ERCC8: variants seen among roughly 807,000 people sequenced by gnomAD.
ERCC8 encodes the protein ERCC excision repair 8, CSA ubiquitin ligase complex subunit, also known as DNA excision repair protein ERCC-8.
ERCC8 carries 52 observed loss-of-function variants against 54.9 expected under a neutral mutation model. The observed-to-expected ratio is 0.95, with a 90% CI of 0.76 to 1.19. ERCC8 has a LOEUF of 1.19. Ranked by LOEUF, ERCC8 falls within the 50% of genes most tolerant of loss-of-function variation. The pLI is 0.00. For synonymous variants in ERCC8, 146 were observed against 157.2 expected (o/e 0.93, Z 0.53); for missense variants, 514 against 466.1 (o/e 1.10, Z -0.95).
intron 10 of ERCC8, among the ~76,000 whole-genome samples, chr5:60,889,881 T>C (rs541623529): frequency 6.6e-6 from 1 of 152,274 alleles, no homozygotes; most frequent in African/African-American, 2.4e-5. Context: ...GGATATACCT[T>C]CTTATTGACT....
intron 4 of ERCC8, among the ~76,000 whole-genome samples, chr5:60,909,278 A>AAAAAAAAAG (rs1749180489): frequency 2.8e-4 from 34 of 120,690 alleles, no homozygotes; most frequent in Non-Finnish European, 5.2e-4. Flanking sequence ...AAAAAAAAAA[A>AAAAAAAAAG]GCCACAAAGG....
intron 7 of ERCC8, among the ~76,000 whole-genome samples, chr5:60,900,168 T>C (rs769853030): frequency 6.6e-6 from 1 of 151,992 alleles, no homozygotes. Flanking sequence ...TTTTTCCTTT[T>C]TATATAAAAA....
At chr5:60,943,670 G>A (rs1484219017) in intron 1 of ERCC8, among the ~76,000 whole-genome samples, 1 of 152,152 alleles carries the variant, frequency 6.6e-6, no homozygotes, top group Non-Finnish European at 1.5e-5. Context: ...TACTAGAAGT[G>A]AAACTTGCAT....
At chr5:60,882,884 T>C (rs1261637701) in intron 11 of ERCC8, among the ~76,000 whole-genome samples, 4 of 152,038 alleles carry the variant, frequency 2.6e-5, no homozygotes, top group Admixed American at 2.6e-4. Context: ...CATCTTGTCA[T>C]TGGGGGTTAG....
chr5:60,878,765 CTTT>C (rs1466301182), intron 11 of ERCC8, among the ~76,000 whole-genome samples: 20 of 152,114 alleles, frequency 1.3e-4, no homozygotes, highest in African/African-American at 4.1e-4. Flanking sequence ...CTCTTTTCTT[CTTT>C]ATTACTCTTG....
intron 4 of ERCC8, 105 bp from the exon 5 acceptor site, chr5:60,904,978 C>G: frequency 3.5e-6 from 2 of 571,912 alleles, no homozygotes; most frequent in South Asian, 4.4e-5. Context: ...TTTAAATTGA[C>G]TGTTAGCAAT....
intron 11 of ERCC8, among the ~76,000 whole-genome samples, chr5:60,886,626 C>T (rs1748400266): frequency 6.6e-6 from 1 of 151,598 alleles, no homozygotes; most frequent in Non-Finnish European, 1.5e-5. Flanking sequence ...TGCTTGAACC[C>T]AGGAGGCAAA....
chr5:60,903,444 G>A, intron 6 of ERCC8: 1 of 776,066 alleles, frequency 1.3e-6, no homozygotes, highest in South Asian at 2.0e-5. Flanking sequence ...CTTCCCCAAT[G>A]ATCATTGTTC....
At chr5:60,919,358 T>C (rs1303503607) in intron 3 of ERCC8, 2 of 151,998 alleles carry the variant, frequency 1.3e-5, no homozygotes, top group Non-Finnish European at 2.9e-5. Flanking sequence ...ATCTTGTATA[T>C]GTTTGAAATT....
At chr5:60,902,231 T>G (rs1748923298) in intron 7 of ERCC8, among the ~76,000 whole-genome samples, 1 of 152,036 alleles carries the variant, frequency 6.6e-6, no homozygotes, top group African/African-American at 2.4e-5. Context: ...TGTTCTAAGG[T>G]GAAACACCTT....
intron 9 of ERCC8, 82 bp downstream of exon 9, chr5:60,898,194 G>C: frequency 7.0e-7 from 1 of 1,427,114 alleles, no homozygotes. Flanking sequence ...GAATAAATGA[G>C]TTAAATATAT....
At chr5:60,898,457 G>A in intron 8 of ERCC8, 57 bp from the exon 9 acceptor site, 1 of 1,595,060 alleles carries the variant, frequency 6.3e-7, no homozygotes, top group Non-Finnish European at 8.6e-7. Context: ...CATATTTAAT[G>A]TTTGATGATA....
chr5:60,894,978 G>A (rs1230744523), intron 9 of ERCC8, among the ~76,000 whole-genome samples: 1 of 152,002 alleles, frequency 6.6e-6, no homozygotes, highest in Non-Finnish European at 1.5e-5. Context: ...ACACCAGCCT[G>A]GCCAAGATGG....
Position 60,918,406 on chromosome 5 carries a change from A to C in ERCC8, c.276-18T>G. ...GATGATCTCTACAAAACAGCAATCA[A>C]AATTTACATTAACTGACTTATGTGA... On this transcript the variant is annotated intron_variant, in intron 3 of 11. Transcript: ENST00000676185. 6.2e-7 allele frequency: 1 copy of C among 1,605,588 alleles called. No homozygotes were observed. Among genetic ancestry groups the C allele is most frequent in the Non-Finnish European group, 8.5e-7 (1 of 1,175,192 alleles).
intron 11 of ERCC8, among the ~76,000 whole-genome samples, chr5:60,882,873 A>G (rs1022459887): frequency 6.6e-6 from 1 of 152,062 alleles, no homozygotes; most frequent in Non-Finnish European, 1.5e-5. Flanking sequence ...TTATTAAAAG[A>G]CATCTTGTCA....
At chr5:60,883,881 G>C (rs1321823825) in intron 11 of ERCC8, among the ~76,000 whole-genome samples, 1 of 152,098 alleles carries the variant, frequency 6.6e-6, no homozygotes, top group Non-Finnish European at 1.5e-5. Flanking sequence ...AAAACAGTCT[G>C]CCAACTAAAT....
intron 4 of ERCC8, among the ~76,000 whole-genome samples, chr5:60,908,581 A>ATTTTT (rs142838100): frequency 2.9e-5 from 4 of 137,324 alleles, no homozygotes; most frequent in African/African-American, 1.1e-4. Flanking sequence ...ATATATATAT[A>ATTTTT]TATTTTTTTT....
intron 11 of ERCC8, among the ~76,000 whole-genome samples, chr5:60,883,210 C>G (rs1022999823): frequency 1.3e-5 from 2 of 152,170 alleles, no homozygotes; most frequent in African/African-American, 4.8e-5. Flanking sequence ...AATTATTTCA[C>G]TTTTCAGTGA....
rs1356902318 is a variant in ERCC8 at position 60,869,655 on chromosome 5, G to T, written c.*4960C>A. 6.6e-6 allele frequency among the ~76,000 whole-genome samples: 1 copy of T among 152,150 alleles called. No homozygotes were observed. The highest frequency in any genetic ancestry group is 2.4e-5 in the African/African-American group (1 of 41,446). ...TTCTAAAGTAAAGGCATGGTAGCAA[G>T]TTTAAAAGAGAGGTCAAGCTGATCT... On this transcript the variant is annotated 3_prime_UTR_variant, in exon 12 of 12. Coordinates refer to ENST00000676185, the MANE Select transcript of ERCC8 (RefSeq NM_000082.4).
Sources: allele counts gnomAD v4.1 joint callset (sites outside exome capture counted in the v4.1 genomes callset), GRCh38; gene constraint gnomAD v4.1.1; transcripts MANE v1.5; gene names NCBI Gene and HGNC (gene_info 2026-07-23, HGNC 2026-07-21).